Variants in ATP2C2 observed in about 807,000 individuals in gnomAD.
The protein encoded by ATP2C2 is calcium-transporting ATPase type 2C member 2.
ATP2C2 carries 171 observed loss-of-function variants against 110.8 expected under a neutral mutation model. That is an observed-to-expected ratio of 1.54 (90% confidence interval 1.36 to 1.75). The LOEUF is 1.75. Ranked by LOEUF, ATP2C2 falls within the 40% of genes most tolerant of loss-of-function variation. The pLI is 0.00. For missense variants in ATP2C2, 1,963 were observed against 1,235.0 expected (o/e 1.59, Z -8.84); for synonymous variants, 804 against 508.4 (o/e 1.58, Z -7.82).
chr16:84,426,398 A>T (rs1011904555), intron 11 of ATP2C2, among the ~76,000 whole-genome samples: 1 of 152,138 alleles, frequency 6.6e-6, no homozygotes, highest in Non-Finnish European at 1.5e-5. Context: ...TTATGTTTCA[A>T]CTTGAGGTTT....
chr16:84,435,580 C>G (rs1908663758), intron 11 of ATP2C2, among the ~76,000 whole-genome samples: 1 of 152,228 alleles, frequency 6.6e-6, no homozygotes, highest in Non-Finnish European at 1.5e-5. Flanking sequence ...AATCCCAGCA[C>G]TTGGGAATGC....
intron 25 of ATP2C2, 50 bp from the exon 26 acceptor site, chr16:84,461,929 CCTGCCTGTA>C: frequency 6.2e-7 from 1 of 1,608,116 alleles, no homozygotes; most frequent in Non-Finnish European, 8.5e-7. Flanking sequence ...TCAGAGCTCC[CCTGCCTGTA>C]CCTGGGGTGT....
At chr16:84,454,794 C>T in intron 20 of ATP2C2, 24 bp from the exon 21 acceptor site, 1 of 1,561,340 alleles carries the variant, frequency 6.4e-7, no homozygotes, top group Non-Finnish European at 8.7e-7. Context: ...GGCTGCAGGC[C>T]TTCATTGCCT....
chr16:84,459,700 C>G (rs944148378), intron 23 of ATP2C2: 4 of 1,023,862 alleles, frequency 3.9e-6, no homozygotes, highest in Non-Finnish European at 4.3e-6. Context: ...TTCAGGAAGT[C>G]TTCCCTGATT....
At chr16:84,389,859 T>A (rs1036810958) in intron 1 of ATP2C2, among the ~76,000 whole-genome samples, 1 of 152,076 alleles carries the variant, frequency 6.6e-6, no homozygotes, top group Non-Finnish European at 1.5e-5. Flanking sequence ...TAGCTGGGAC[T>A]ACAGGCATGT....
intron 15 of ATP2C2, among the ~76,000 whole-genome samples, chr16:84,445,436 C>T (rs1909658603): frequency 6.6e-6 from 1 of 152,124 alleles, no homozygotes; most frequent in African/African-American, 2.4e-5. Context: ...TCTTGATCTC[C>T]TCACCCCGTG....
intron 2 of ATP2C2, among the ~76,000 whole-genome samples, chr16:84,402,255 A>G (rs545875907): frequency 5.9e-5 from 9 of 152,314 alleles, no homozygotes; most frequent in Non-Finnish European, 1.2e-4. Context: ...ATAAGATCAT[A>G]TCATCTGCAA....
chr16:84,451,971 C>T lies in ATP2C2; in HGVS notation c.1711C>T (p.Leu571Phe), dbSNP rs146513346. The T allele has an allele frequency of 3.4e-5, 55 of 1,613,984 alleles. No homozygotes were observed. The East Asian group carries it at 1.0e-3, about 31-fold the overall frequency. ...PELGRLTFLG[L>F]VGIIDPPRVG... Reference sequence around the variant, plus strand: ...GCTGGGGCGGCTGACGTTTCTCGGTCTTGTGGGCATCATTGACCCCCCGAG... The same window carrying T: ...GCTGGGGCGGCTGACGTTTCTCGGTTTTGTGGGCATCATTGACCCCCCGAG... The change falls in exon 18 of 27, where the codon CTT becomes TTT. Residue 571 changes from leucine to phenylalanine, a missense_variant. Leu to Phe is a conservative substitution (Grantham distance 22). Transcript: ENST00000262429.
At position 84,425,782 on chromosome 16, in the gene ATP2C2, A is replaced by C; in HGVS notation, c.967A>C (p.Met323Leu). 1 of 1,614,130 alleles carries C rather than the reference A, an allele frequency of 6.2e-7. No homozygotes were observed. The highest frequency in any genetic ancestry group is 8.5e-7 in the Non-Finnish European group (1 of 1,180,032). ...GWSQGKQLLS[M>L]FTIGVSLAVA... The stretch of plus-strand genomic sequence containing the variant: ...GTCGCAAGGGAAACAACTCCTGAGT[A>C]TGTTCACGATCGGGGTCAGGTAAGA... Residue 323 changes from methionine to leucine, a missense_variant, in exon 11 of 27, where the codon ATG (methionine) becomes CTG (leucine). Met to Leu is a conservative substitution (Grantham distance 15). Transcript: ENST00000262429.
intron 1 of ATP2C2, 46 bp from the exon 2 acceptor site, chr16:84,398,453 G>A (rs113275450): frequency 1.9e-4 from 234 of 1,264,202 alleles, no homozygotes; most frequent in Non-Finnish European, 2.3e-4. Flanking sequence ...AAATTAATCA[G>A]TACAAAAGTT....
chr16:84,408,549 TC>T, intron 4 of ATP2C2, 55 bp downstream of exon 4: 1 of 1,398,604 alleles, frequency 7.1e-7, no homozygotes, highest in Non-Finnish European at 1.0e-6. Context: ...GTCTGCTGAG[TC>T]TCTGCTTGTT....
At chr16:84,421,292 T>C (rs1485810367) in intron 7 of ATP2C2, among the ~76,000 whole-genome samples, 2 of 152,178 alleles carry the variant, frequency 1.3e-5, no homozygotes, top group African/African-American at 4.8e-5. Context: ...CCTGACGCTG[T>C]GGGGTCCACT....
intron 24 of ATP2C2, chr16:84,461,048 G>A: frequency 2.0e-6 from 1 of 490,032 alleles, no homozygotes; most frequent in Non-Finnish European, 3.6e-6. Context: ...AGATGACTTT[G>A]CCGAGACGGG....
At chr16:84,393,506 G>A (rs1904784495) in intron 1 of ATP2C2, among the ~76,000 whole-genome samples, 1 of 152,192 alleles carries the variant, frequency 6.6e-6, no homozygotes, top group Admixed American at 6.5e-5. Context: ...CTGGAGATCT[G>A]GCTGAAGTCG....
rs373412985 is a variant in ATP2C2, at chr16:84,460,682, G to C, written c.2362G>C (p.Ala788Pro). 2 of 1,614,092 alleles carry C rather than the reference G, an allele frequency of 1.2e-6. No homozygotes were observed. The highest frequency in any genetic ancestry group is 1.3e-5 in the African/African-American group (1 of 74,924). ...GGGGGTAGAGCCCGTTGACAAAGAC[G>C]CCTTCAGGCAGCCACCACGGAGTGT... ...SLGVEPVDKD[A>P]FRQPPRSVRD... Residue 788 changes from alanine (A) to proline (P), a missense_variant, in exon 24 of 27, where the codon GCC becomes CCC. Ala to Pro is a conservative substitution (Grantham distance 27). Coordinates refer to ENST00000262429, the MANE Select transcript of ATP2C2 (RefSeq NM_014861.4).
At chr16:84,456,592 C>T (rs1910807634) in intron 21 of ATP2C2, among the ~76,000 whole-genome samples, 1 of 114,660 alleles carries the variant, frequency 8.7e-6, no homozygotes, top group Admixed American at 1.0e-4. Context: ...TCTAGAAAAC[C>T]CCATGGTCTC....
Position 84,415,596 on chromosome 16 carries a change from G to A in ATP2C2, c.624+5G>A, listed in dbSNP as rs188980019. 2,318 of 1,610,980 alleles carry A rather than the reference G, an allele frequency of 1.4e-3. 2 individuals carry two copies. Among genetic ancestry groups the A allele is most frequent in the Non-Finnish European group, 1.9e-3 (2,194 of 1,177,990 alleles). On this transcript the variant is annotated splice_donor_5th_base_variant and intron_variant, in intron 7 of 26. Transcript: ENST00000262429. Reference sequence around the variant, plus strand: ...GCAGACATCCGACTCACTGAGGTGAGTGGTTCCAAACCCTTGTCAATGGGG... The same window carrying A: ...GCAGACATCCGACTCACTGAGGTGAATGGTTCCAAACCCTTGTCAATGGGG...
At chr16:84,460,392 A>T in intron 23 of ATP2C2, 1 of 546,340 alleles carries the variant, frequency 1.8e-6, no homozygotes, top group South Asian at 2.0e-5. Flanking sequence ...GGGTGTATGG[A>T]ACTGTGTGTG....
chr16:84,411,452 TG>T (rs2150527415), intron 6 of ATP2C2, among the ~76,000 whole-genome samples: 1 of 152,352 alleles, frequency 6.6e-6, no homozygotes, highest in East Asian at 1.9e-4. Context: ...CTTTTTTTGT[TG>T]TTTTTTAAGA....
Sources: allele counts gnomAD v4.1 joint callset (sites outside exome capture counted in the v4.1 genomes callset), GRCh38; gene constraint gnomAD v4.1.1; transcripts MANE v1.5; gene names NCBI Gene and HGNC (gene_info 2026-07-23, HGNC 2026-07-21).